The following DOCK8 variants were observed in gnomAD, a reference collection of about 807,000 sequenced individuals.
The protein encoded by DOCK8 is dedicator of cytokinesis 8, also known as dedicator of cytokinesis protein 8.
DOCK8 carries 141 observed loss-of-function variants against 245.6 expected under a neutral mutation model. That is an observed-to-expected ratio of 0.57 (90% CI 0.50 to 0.66). The LOEUF is 0.66. DOCK8 is among the 30% of genes least tolerant of loss of function. The pLI is 0.00. For synonymous variants in DOCK8, 1,168 were observed against 970.2 expected, an observed-to-expected ratio of 1.20 and a Z score of -3.79; for missense variants, 2,965 against 2,603.4, an observed-to-expected ratio of 1.14 and a Z score of -3.02.
chr9:415,333 A>C (rs921216680), intron 29 of DOCK8, among the ~76,000 whole-genome samples: 1 of 152,148 alleles, frequency 6.6e-6, no homozygotes, highest in African/African-American at 2.4e-5. Flanking sequence ...TTCTTTTATG[A>C]ATATGTAAGC....
intron 1 of DOCK8, among the ~76,000 whole-genome samples, chr9:237,755 G>C (rs2047288869): frequency 6.6e-6 from 1 of 152,148 alleles, no homozygotes; most frequent in Non-Finnish European, 1.5e-5. Flanking sequence ...TTGATAAGCA[G>C]CCGGGTTGTT....
chr9:410,961 A>C (rs2055694655), intron 28 of DOCK8, among the ~76,000 whole-genome samples: 1 of 152,250 alleles, frequency 6.6e-6, no homozygotes, highest in African/African-American at 2.4e-5. Flanking sequence ...GAAAGCCATC[A>C]AATTGATAAC....
At chr9:362,263 T>A (rs545793701) in intron 14 of DOCK8, among the ~76,000 whole-genome samples, 1 of 152,352 alleles carries the variant, frequency 6.6e-6, no homozygotes, top group South Asian at 2.1e-4. Flanking sequence ...AAGGTTTATT[T>A]GCACCTCCAC....
chr9:347,156 A>G (rs568192562), intron 14 of DOCK8, among the ~76,000 whole-genome samples: 75 of 152,172 alleles, frequency 4.9e-4, no homozygotes, highest in African/African-American at 1.7e-3. Context: ...CCTCCTTCTC[A>G]TGGAAGGGAA....
chr9:449,222 T>C (rs1225044552), intron 44 of DOCK8, among the ~76,000 whole-genome samples: 4 of 152,132 alleles, frequency 2.6e-5, no homozygotes, highest in Admixed American at 1.3e-4. Context: ...TGGTGGTGCA[T>C]GCCTGTAATC....
At chr9:248,527 C>T (rs927601247) in intron 1 of DOCK8, among the ~76,000 whole-genome samples, 1 of 86,936 alleles carries the variant, frequency 1.2e-5, no homozygotes, top group African/African-American at 3.1e-5. Flanking sequence ...TTCCCTCCCT[C>T]TCTCTCTTTC....
intron 3 of DOCK8, 51 bp downstream of exon 3, chr9:286,687 T>G: frequency 6.4e-7 from 1 of 1,572,090 alleles, no homozygotes; most frequent in South Asian, 1.1e-5. Context: ...ATGATTGTTT[T>G]CAATAAGTGG....
intron 5 of DOCK8, 124 bp downstream of exon 5, chr9:304,828 C>A: frequency 7.5e-7 from 1 of 1,328,150 alleles, no homozygotes; most frequent in Non-Finnish European, 1.1e-6. Flanking sequence ...GGAACTTTAC[C>A]ATCTGAGTCA....
At chr9:277,449 AAGAGAAAG>A (rs1356166110) in intron 2 of DOCK8, among the ~76,000 whole-genome samples, 1 of 90,624 alleles carries the variant, frequency 1.1e-5, no homozygotes, top group Non-Finnish European at 2.0e-5. Context: ...AAGAGAGGAG[AAGAGAAAG>A]AGAGAAGAGA....
chr9:262,990 T>A (rs2047953656), intron 1 of DOCK8, among the ~76,000 whole-genome samples: 1 of 152,160 alleles, frequency 6.6e-6, no homozygotes, highest in African/African-American at 2.4e-5. Context: ...GTGGATCACC[T>A]GAGGTCAGGA....
At chr9:428,603 G>A in intron 35 of DOCK8, 107 bp downstream of exon 35, 9 of 1,392,454 alleles carry the variant, frequency 6.5e-6, no homozygotes, top group South Asian at 1.2e-5. Flanking sequence ...CATATTAAGT[G>A]GCATCACAGT....
At chr9:242,312 T>G (rs2047392412) in intron 1 of DOCK8, among the ~76,000 whole-genome samples, 1 of 152,130 alleles carries the variant, frequency 6.6e-6, no homozygotes, top group African/African-American at 2.4e-5. Context: ...ACTGTGACTT[T>G]TTTCAAGACT....
At chr9:328,914 T>G (rs150153632) in intron 9 of DOCK8, among the ~76,000 whole-genome samples, 4 of 150,922 alleles carry the variant, frequency 2.7e-5, no homozygotes, top group Admixed American at 2.0e-4. Flanking sequence ...TTACCTACCT[T>G]AGGCCAGATA....
rs1564015349 is a variant in DOCK8, at chr9:400,773, CCACCACCACCTCCACCAT to C, written c.3234+1556_3234+1573del. Among the ~76,000 whole-genome samples the C allele has an allele frequency of 2.4e-4, 11 of 45,874 alleles. No individual in the cohort carries two copies. In the East Asian group the frequency reaches 6.3e-3, roughly 26 times the overall value. 30.1% of individuals were successfully genotyped at this position (45,874 alleles called of 152,430 possible). Reference sequence around the variant, plus strand: ...TTCACCATCACCACCACCTCCACCACCACCACCACCTCCACCATCACCACCACCTCCACCATCACCACC... The same window carrying C: ...TTCACCATCACCACCACCTCCACCACCACCACCACCTCCACCATCACCACC... On this transcript the variant is annotated intron_variant, in intron 26 of 47. Transcript: ENST00000432829.
At chr9:356,358 C>A (rs1219965067) in intron 14 of DOCK8, among the ~76,000 whole-genome samples, 4 of 151,986 alleles carry the variant, frequency 2.6e-5, no homozygotes, top group Non-Finnish European at 5.9e-5. Context: ...GAAACCCCGT[C>A]TCTACTAAAA....
chr9:444,121 C>G (rs1215958197), intron 43 of DOCK8, among the ~76,000 whole-genome samples: 1 of 151,934 alleles, frequency 6.6e-6, no homozygotes, highest in African/African-American at 2.4e-5. Context: ...AGGGTATGTT[C>G]CATTTCACCC....
Position 414,891 on chromosome 9 carries a change from C to T in DOCK8, c.3640C>T (p.Leu1214Phe), listed in dbSNP as rs1373790109. 5 of 1,614,226 alleles carry T rather than the reference C, an allele frequency of 3.1e-6. No individual in the cohort carries two copies. In the South Asian group the frequency reaches 3.3e-5, roughly 11 times the overall value. Residue 1214 changes from leucine to phenylalanine, a missense_variant, in exon 29 of 48, where the codon CTT (leucine) becomes TTT (phenylalanine). Leu to Phe is a conservative substitution (Grantham distance 22, BLOSUM62 0). Around this residue, in one of 3 missense-constraint regions of DOCK8, gnomAD observed 2,825 missense variants for 2,453.5 expected, o/e 1.15. Transcript: ENST00000432829. ...AGAGGTGAAGGTCAAAATCGCCGCC[C>T]TTTACCTACCTTTAGTTGGCATCAT... ...KPEVKVKIAA[L>F]YLPLVGIILD...
At chr9:224,510 G>A (rs1049038582) in intron 1 of DOCK8, among the ~76,000 whole-genome samples, 11 of 152,104 alleles carry the variant, frequency 7.2e-5, no homozygotes, top group African/African-American at 2.4e-4. Context: ...TGACTCTCTC[G>A]TTTGCTCAGG....
intron 22 of DOCK8, among the ~76,000 whole-genome samples, 194 bp downstream of exon 22, chr9:382,879 G>A (rs1296560841): frequency 6.6e-6 from 1 of 152,106 alleles, no homozygotes; most frequent in Non-Finnish European, 1.5e-5. Context: ...AGCAAGACCA[G>A]CATCTGAGGA....
Sources: gnomAD v4.1 joint callset for allele counts (sites outside exome capture counted in the v4.1 genomes callset) on GRCh38, gnomAD v4.1.1 for gene constraint, gnomAD v4.1.1 regional missense constraint, MANE v1.5 for transcripts, NCBI Gene and HGNC (gene_info 2026-07-23, HGNC 2026-07-21) for gene names.